Variants in ERC1 observed in about 807,000 individuals in gnomAD.
ERC1 encodes ELKS/RAB6-interacting/CAST family member 1, also known as RAB6 interacting protein 2.
A neutral mutation model predicts 132.0 loss-of-function variants in ERC1; 56 were observed. The ratio of observed to expected loss-of-function variants is 0.42; its 90% CI spans 0.34 to 0.53. The LOEUF (loss-of-function observed/expected upper bound fraction) is 0.53. ERC1 is among the 20% of genes least tolerant of loss of function. The pLI is 0.03. For missense variants in ERC1, 1,202 were observed against 1,349.9 expected, an observed-to-expected ratio of 0.89 and a Z score of 1.72; for synonymous variants, 478 against 476.1, an observed-to-expected ratio of 1.00 and a Z score of -0.05.
intron 2 of ERC1, among the ~76,000 whole-genome samples, chr12:1,049,671 A>C (rs919654310): frequency 2.0e-5 from 3 of 150,792 alleles, no homozygotes; most frequent in African/African-American, 7.3e-5. Context: ...GTTTGAATGG[A>C]TAGAGGTTGG....
chr12:1,383,444 C>CT (rs2088937271), intron 16 of ERC1, among the ~76,000 whole-genome samples: 2 of 152,242 alleles, frequency 1.3e-5, no homozygotes, highest in Middle Eastern at 3.4e-3. Flanking sequence ...CTTTTGGTCT[C>CT]TTTTGAACTA....
rs561238480 is a variant in ERC1 at position 1,344,131 on chromosome 12, G to A, written c.2781-27702G>A. Among the ~76,000 whole-genome samples, 108 of 152,318 alleles carry A rather than the reference G, an allele frequency of 7.1e-4. 1 individual carries two copies. The highest frequency in any genetic ancestry group is 2.4e-3 in the African/African-American group (100 of 41,566). ...GCTGGGATTACAGGCGTGAGCCACC[G>A]CGCCCAGCCTGTAAAAACATTTTCA... On this transcript the variant is annotated intron_variant, in intron 15 of 18. Transcript: ENST00000360905.
At chr12:1,313,718 G>T (rs545523917) in intron 15 of ERC1, among the ~76,000 whole-genome samples, 1 of 152,106 alleles carries the variant, frequency 6.6e-6, no homozygotes, top group African/African-American at 2.4e-5. Flanking sequence ...GGGTACGGTG[G>T]CTCATGCCTG....
intron 17 of ERC1, among the ~76,000 whole-genome samples, chr12:1,440,409 T>C (rs1459718758): frequency 6.6e-6 from 1 of 150,854 alleles, no homozygotes; most frequent in Non-Finnish European, 1.5e-5. Flanking sequence ...GGTTTCACCG[T>C]GTTAGCCAGG....
At chr12:1,333,656 A>G (rs2083072973) in intron 15 of ERC1, among the ~76,000 whole-genome samples, 1 of 152,126 alleles carries the variant, frequency 6.6e-6, no homozygotes, top group Non-Finnish European at 1.5e-5. Context: ...TCTATCATTG[A>G]TGAGCATGTA....
At chr12:1,125,033 C>T (rs141192990) in intron 7 of ERC1, among the ~76,000 whole-genome samples, 161 of 151,136 alleles carry the variant, frequency 1.1e-3, no homozygotes, top group African/African-American at 3.6e-3. Context: ...CTTGCTCTTT[C>T]GCCTAGGCCG....
chr12:1,265,708 T>C (rs922666192), intron 14 of ERC1, among the ~76,000 whole-genome samples: 1 of 152,218 alleles, frequency 6.6e-6, no homozygotes, highest in African/African-American at 2.4e-5. Flanking sequence ...TAAAGTATCA[T>C]GCCCCACCGA....
chr12:1,069,751 G>C (rs1316298144), intron 2 of ERC1, among the ~76,000 whole-genome samples: 1 of 152,142 alleles, frequency 6.6e-6, no homozygotes, highest in Non-Finnish European at 1.5e-5. Flanking sequence ...TAATTTTTCT[G>C]TAGCAAAATT....
chr12:1,276,509 G>A (rs1481424472), intron 14 of ERC1, among the ~76,000 whole-genome samples: 1 of 151,636 alleles, frequency 6.6e-6, no homozygotes, highest in Non-Finnish European at 1.5e-5. Context: ...CAAATGCTGG[G>A]ATTACTGGCG....
intron 14 of ERC1, among the ~76,000 whole-genome samples, chr12:1,280,190 G>A (rs1055956595): frequency 6.6e-6 from 1 of 152,178 alleles, no homozygotes; most frequent in South Asian, 2.1e-4. Flanking sequence ...CATAGAAGCA[G>A]TCATCCAAGA....
At chr12:1,261,248 C>G (rs778616546) in intron 13 of ERC1, among the ~76,000 whole-genome samples, 1 of 152,124 alleles carries the variant, frequency 6.6e-6, no homozygotes, top group East Asian at 1.9e-4. Flanking sequence ...TCTCAGGAGA[C>G]TTGCAAAAAA....
intron 2 of ERC1, among the ~76,000 whole-genome samples, chr12:1,041,388 G>A (rs1439304914): frequency 6.6e-6 from 1 of 152,056 alleles, no homozygotes; most frequent in East Asian, 1.9e-4. Flanking sequence ...TGTATTTTTA[G>A]TAGAGACAGG....
At chr12:1,374,339 A>T (rs1368988654) in intron 16 of ERC1, among the ~76,000 whole-genome samples, 5 of 152,144 alleles carry the variant, frequency 3.3e-5, no homozygotes, top group African/African-American at 9.7e-5. Context: ...TTTGGGGGTC[A>T]CCTTCTAATA....
At chr12:1,442,951 A>G (rs1292807944) in intron 17 of ERC1, among the ~76,000 whole-genome samples, 1 of 152,148 alleles carries the variant, frequency 6.6e-6, no homozygotes, top group Non-Finnish European at 1.5e-5. Context: ...TCTATCGCTC[A>G]GGCTGGAGTG....
intron 8 of ERC1, among the ~76,000 whole-genome samples, chr12:1,168,116 A>C (rs1160095441): frequency 6.6e-6 from 1 of 152,078 alleles, no homozygotes; most frequent in East Asian, 1.9e-4. Context: ...ATACACAGCA[A>C]ATTTGGTATT....
intron 4 of ERC1, 70 bp downstream of exon 4, chr12:1,104,894 G>A: frequency 1.0e-6 from 1 of 986,818 alleles, no homozygotes; most frequent in Non-Finnish European, 1.6e-6. Flanking sequence ...ACTTCCATGT[G>A]TGAGTGTTAG....
At chr12:1,466,141 A>G (rs2093738385) in intron 18 of ERC1, among the ~76,000 whole-genome samples, 1 of 152,126 alleles carries the variant, frequency 6.6e-6, no homozygotes, top group Admixed American at 6.5e-5. Context: ...AGCAACGTAA[A>G]TTGATTTCCT....
chr12:1,155,660 T>G (rs917091327), intron 8 of ERC1, among the ~76,000 whole-genome samples: 1 of 152,052 alleles, frequency 6.6e-6, no homozygotes, highest in African/African-American at 2.4e-5. Context: ...GTATTTTTAG[T>G]AGAGACGGGG....
intron 15 of ERC1, among the ~76,000 whole-genome samples, chr12:1,336,514 GTCAT>G (rs2083327336): frequency 1.3e-5 from 2 of 152,174 alleles, no homozygotes; most frequent in African/African-American, 2.4e-5. Flanking sequence ...TTATGCAAAA[GTCAT>G]TCAGGAGTAG....
Sources: gnomAD v4.1 joint callset for allele counts (sites outside exome capture counted in the v4.1 genomes callset) on GRCh38, gnomAD v4.1.1 for gene constraint, MANE v1.5 for transcripts, NCBI Gene and HGNC (gene_info 2026-07-23, HGNC 2026-07-21) for gene names.